Variants in MCC observed in about 807,000 individuals in gnomAD.
MCC encodes the protein MCC regulator of Wnt signaling pathway, also known as colorectal mutant cancer protein.
A neutral mutation model predicts 116.2 loss-of-function variants in MCC; 90 were observed. That is an observed-to-expected ratio of 0.77 (90% CI 0.65 to 0.92). The LOEUF (loss-of-function observed/expected upper bound fraction) is 0.92. Among genes scored for constraint, MCC ranks in the 40% least tolerant of loss-of-function variants. MCC has a pLI of 0.00. For synonymous variants in MCC, 578 were observed against 510.5 expected, an observed-to-expected ratio of 1.13 and a Z score of -1.78; for missense variants, 1,516 against 1,312.2, an observed-to-expected ratio of 1.16 and a Z score of -2.40.
chr5:113,283,519 T>A (rs1398231483), intron 3 of MCC, among the ~76,000 whole-genome samples: 1 of 152,098 alleles, frequency 6.6e-6, no homozygotes, highest in Non-Finnish European at 1.5e-5. Flanking sequence ...AATATAAAAA[T>A]TTTTAAAAAG....
intron 3 of MCC, among the ~76,000 whole-genome samples, chr5:113,180,495 A>G (rs150693238): frequency 6.6e-6 from 1 of 152,146 alleles, no homozygotes; most frequent in Non-Finnish European, 1.5e-5. Flanking sequence ...GGGTGCCTCG[A>G]TGAGATGAGA....
At chr5:113,424,234 A>C (rs185837456) in intron 1 of MCC, among the ~76,000 whole-genome samples, 1 of 151,792 alleles carries the variant, frequency 6.6e-6, no homozygotes, top group Admixed American at 6.6e-5. Context: ...GGAACAACTG[A>C]AGACTAATAG....
intron 17 of MCC, among the ~76,000 whole-genome samples, chr5:113,036,691 G>C (rs1297029445): frequency 6.6e-6 from 1 of 152,210 alleles, no homozygotes; most frequent in Non-Finnish European, 1.5e-5. Flanking sequence ...GCCAGTGGCT[G>C]CTGGGTGTTC....
chr5:113,123,349 G>A lies in MCC; in HGVS notation c.885-523C>T, dbSNP rs143109937. Among the ~76,000 whole-genome samples, 338 of 152,300 alleles carry A rather than the reference G, an allele frequency of 2.2e-3. 4 individuals are homozygous for A. Among genetic ancestry groups the A allele is most frequent in the African/African-American group, 7.1e-3 (297 of 41,558 alleles). ...AACTAGACTTTTTTGAAAGGTATATGGATCAGCATGTATAAGAAAGACTAG... is the reference window on the plus strand; with the variant it reads ...AACTAGACTTTTTTGAAAGGTATATAGATCAGCATGTATAAGAAAGACTAG... On this transcript the variant is annotated intron_variant, in intron 5 of 18. Coordinates refer to ENST00000408903, the MANE Select transcript of MCC (RefSeq NM_001085377.2).
intron 1 of MCC, chr5:113,400,029 A>C (rs1300227524): frequency 6.6e-6 from 1 of 151,770 alleles, no homozygotes; most frequent in African/African-American, 2.4e-5. Flanking sequence ...TGTTTTTTTA[A>C]CAGCTTTTTA....
chr5:113,331,283 A>C (rs1767690047), intron 3 of MCC, among the ~76,000 whole-genome samples: 1 of 151,788 alleles, frequency 6.6e-6, no homozygotes. Flanking sequence ...CATCAGAAAA[A>C]TAAGCCAGTA....
intron 2 of MCC, among the ~76,000 whole-genome samples, chr5:113,370,575 C>A (rs1303776222): frequency 6.6e-6 from 1 of 152,202 alleles, no homozygotes; most frequent in Admixed American, 6.5e-5. Context: ...GCCATCTCCT[C>A]CTCTACTGAG....
At chr5:113,312,221 G>A (rs969475960) in intron 3 of MCC, among the ~76,000 whole-genome samples, 3 of 152,044 alleles carry the variant, frequency 2.0e-5, no homozygotes, top group Non-Finnish European at 4.4e-5. Flanking sequence ...AGGTTGCAGT[G>A]AGCTGAGATC....
At chr5:113,238,105 G>C (rs980138199) in intron 3 of MCC, among the ~76,000 whole-genome samples, 1 of 152,106 alleles carries the variant, frequency 6.6e-6, no homozygotes, top group Admixed American at 6.5e-5. Flanking sequence ...TTCCCTCATG[G>C]CATAAGTAGC....
At chr5:113,118,765 G>T (rs933900179) in intron 6 of MCC, among the ~76,000 whole-genome samples, 1 of 151,816 alleles carries the variant, frequency 6.6e-6, no homozygotes, top group Non-Finnish European at 1.5e-5. Context: ...GGAAAATGGC[G>T]AAGGAATAAG....
intron 3 of MCC, among the ~76,000 whole-genome samples, chr5:113,277,015 T>C (rs1428404619): frequency 6.6e-6 from 1 of 151,770 alleles, no homozygotes; most frequent in Non-Finnish European, 1.5e-5. Flanking sequence ...TCTTTAAAAC[T>C]CAAGTATGAT....
At chr5:113,207,475 C>A (rs925890188) in intron 3 of MCC, among the ~76,000 whole-genome samples, 1 of 8,178 alleles carries the variant, frequency 1.2e-4, no homozygotes, top group East Asian at 2.3e-3. Context: ...GTGGGGTGGG[C>A]GGGGGCAGTG....
At chr5:113,109,581 A>G (rs1756959767) in intron 6 of MCC, among the ~76,000 whole-genome samples, 1 of 152,150 alleles carries the variant, frequency 6.6e-6, no homozygotes, top group Non-Finnish European at 1.5e-5. Context: ...TGATGGTCAC[A>G]CTAACTCTGT....
chr5:113,098,851 G>C (rs146159420), intron 8 of MCC, among the ~76,000 whole-genome samples: 4 of 152,274 alleles, frequency 2.6e-5, no homozygotes, highest in Non-Finnish European at 5.9e-5. Flanking sequence ...GAACTTTGAT[G>C]AACTATGGAT....
intron 1 of MCC, among the ~76,000 whole-genome samples, chr5:113,415,127 G>C (rs568844772): frequency 6.6e-6 from 1 of 152,154 alleles, no homozygotes; most frequent in Non-Finnish European, 1.5e-5. Flanking sequence ...AGTTTCTGCC[G>C]AGAGATCTGC....
At chr5:113,139,772 A>G (rs1018104658) in intron 5 of MCC, among the ~76,000 whole-genome samples, 1 of 152,218 alleles carries the variant, frequency 6.6e-6, no homozygotes, top group Admixed American at 6.5e-5. Flanking sequence ...CCAAAGGATT[A>G]TAAATCATTC....
intron 1 of MCC, among the ~76,000 whole-genome samples, chr5:113,396,289 T>C (rs931120788): frequency 6.6e-5 from 10 of 151,880 alleles, no homozygotes; most frequent in African/African-American, 1.7e-4. Context: ...CATTGTGCCA[T>C]TGCACTCCAA....
chr5:113,269,209 C>A (rs1192417167), intron 3 of MCC: 7 of 985,244 alleles, frequency 7.1e-6, no homozygotes, highest in Non-Finnish European at 8.4e-6. Context: ...CCCTCCCTGG[C>A]GTCAGGGCCC....
At chr5:113,323,884 G>A (rs972330290) in intron 3 of MCC, among the ~76,000 whole-genome samples, 1 of 152,096 alleles carries the variant, frequency 6.6e-6, no homozygotes, top group Non-Finnish European at 1.5e-5. Flanking sequence ...GCACCATATC[G>A]AGACAATGTC....
Sources: gnomAD v4.1 joint callset for allele counts (sites outside exome capture counted in the v4.1 genomes callset) on GRCh38, gnomAD v4.1.1 for gene constraint, MANE v1.5 for transcripts, NCBI Gene and HGNC (gene_info 2026-07-23, HGNC 2026-07-21) for gene names.